SORBS2: variants seen among roughly 807,000 people sequenced by gnomAD.
SORBS2 encodes sorbin and SH3 domain containing 2.
SORBS2 carries 46 observed loss-of-function variants against 97.7 expected under a neutral mutation model. That is an observed-to-expected ratio of 0.47 (90% CI 0.37 to 0.60). The LOEUF is 0.60. Among genes scored for constraint, SORBS2 ranks in the 20% least tolerant of loss-of-function variants. The pLI is 0.00. For synonymous variants in SORBS2, 476 were observed against 473.4 expected (o/e 1.01, Z -0.07); for missense variants, 1,316 against 1,282.3 (o/e 1.03, Z -0.40).
At chr4:185,941,826 A>T (rs1001897001) in intron 1 of SORBS2, among the ~76,000 whole-genome samples, 1 of 152,198 alleles carries the variant, frequency 6.6e-6, no homozygotes, top group Non-Finnish European at 1.5e-5. Context: ...GAAAAGTAAG[A>T]CTTGGATGGC....
At chr4:185,919,151 C>T (rs79481787) in intron 1 of SORBS2, among the ~76,000 whole-genome samples, 8,239 of 152,154 alleles carry the variant, frequency 0.054, 350 homozygotes, top group East Asian at 0.14. Context: ...CTTTTATGAA[C>T]CAGCATAGTT....
chr4:185,669,377 A>T (rs768714312), intron 4 of SORBS2, among the ~76,000 whole-genome samples: 3 of 152,188 alleles, frequency 2.0e-5, no homozygotes, highest in Non-Finnish European at 2.9e-5. Context: ...ATTAAAGCTT[A>T]CTGTCTCTAA....
chr4:185,767,613 T>C (rs1039237), intron 2 of SORBS2, among the ~76,000 whole-genome samples: 11,971 of 151,542 alleles, frequency 0.079, 716 homozygotes, highest in East Asian at 0.22. Context: ...AAATTATAGG[T>C]GCAATTATTT....
chr4:185,862,105 T>A (rs1195733839), intron 1 of SORBS2, among the ~76,000 whole-genome samples: 1 of 152,148 alleles, frequency 6.6e-6, no homozygotes, highest in African/African-American at 2.4e-5. Flanking sequence ...AGAAACACTA[T>A]ACAAATTGAA....
chr4:185,594,958 A>T (rs1013285560), intron 12 of SORBS2, among the ~76,000 whole-genome samples: 1 of 152,176 alleles, frequency 6.6e-6, no homozygotes, highest in Non-Finnish European at 1.5e-5. Context: ...AGACTTTGGG[A>T]CCAGTTCTTA....
chr4:185,932,077 T>C (rs1008189235), intron 1 of SORBS2, among the ~76,000 whole-genome samples: 4 of 151,880 alleles, frequency 2.6e-5, no homozygotes, highest in Middle Eastern at 3.4e-3. Context: ...TATATATTTA[T>C]TTATATATGT....
intron 14 of SORBS2, among the ~76,000 whole-genome samples, chr4:185,588,897 G>A (rs1271085080): frequency 6.6e-6 from 1 of 152,106 alleles, no homozygotes; most frequent in Non-Finnish European, 1.5e-5. Flanking sequence ...TTACAGGCAT[G>A]AGCCACCGCA....
intron 1 of SORBS2, among the ~76,000 whole-genome samples, chr4:185,825,353 C>G (rs1258774260): frequency 6.6e-6 from 1 of 152,106 alleles, no homozygotes; most frequent in Non-Finnish European, 1.5e-5. Context: ...TATAGAAAAC[C>G]TGCCAAACAG....
intron 1 of SORBS2, among the ~76,000 whole-genome samples, chr4:185,851,875 G>T (rs985753563): frequency 2.0e-5 from 3 of 152,116 alleles, no homozygotes; most frequent in African/African-American, 4.8e-5. Context: ...CTTACAGACA[G>T]CCTATTGTGG....
chr4:185,805,028 T>A (rs895643959), intron 1 of SORBS2, among the ~76,000 whole-genome samples: 3 of 152,052 alleles, frequency 2.0e-5, no homozygotes, highest in African/African-American at 7.2e-5. Flanking sequence ...CAAAAGAAAA[T>A]TTTAACTCTT....
chr4:185,788,352 G>A (rs78840841), intron 1 of SORBS2, among the ~76,000 whole-genome samples: 13,040 of 152,172 alleles, frequency 0.086, 604 homozygotes, highest in South Asian at 0.14. Context: ...AAATTAATAG[G>A]CTATATCCTA....
intron 1 of SORBS2, among the ~76,000 whole-genome samples, chr4:185,817,337 T>C (rs7669135): frequency 0.25 from 38,099 of 152,020 alleles, 4,965 homozygotes; most frequent in Middle Eastern, 0.34. Context: ...AAACCTGCAG[T>C]GGGGAGAGAT....
At chr4:185,916,485 T>C (rs967719501) in intron 1 of SORBS2, among the ~76,000 whole-genome samples, 1 of 152,202 alleles carries the variant, frequency 6.6e-6, no homozygotes. Context: ...TTACTAATGA[T>C]TATCACAGAA....
intron 2 of SORBS2, among the ~76,000 whole-genome samples, chr4:185,766,984 T>C (rs972875428): frequency 1.3e-5 from 2 of 152,192 alleles, no homozygotes; most frequent in African/African-American, 4.8e-5. Flanking sequence ...TTTTAAACTG[T>C]GTCAATTTCC....
rs183253199 is a variant in SORBS2, at chr4:185,940,143, C to T, written c.-338+16053G>A. Among the ~76,000 whole-genome samples, 335 of 152,266 alleles carry T rather than the reference C, an allele frequency of 2.2e-3. 1 individual carries two copies. Among genetic ancestry groups the T allele is most frequent in the African/African-American group, 7.9e-3 (329 of 41,542 alleles). The stretch of plus-strand genomic sequence containing the variant: ...GAACTGGTCCATGGCCTTCCCACCT[C>T]ACCCTCCTCTCTCCTTTGGTGATCT... On this transcript the variant is annotated intron_variant, in intron 1 of 20. Coordinates refer to the SORBS2 transcript ENST00000284776.
At chr4:185,731,866 C>CTA (rs544211866) in intron 2 of SORBS2, among the ~76,000 whole-genome samples, 63 of 24,664 alleles carry the variant, frequency 2.6e-3, no homozygotes, top group South Asian at 5.4e-3. Flanking sequence ...CTCTCTCTCT[C>CTA]TATATATATA....
At position 185,649,206 on chromosome 4, in the gene SORBS2, T is replaced by C. The variant is rs117591133; in HGVS notation, c.281+261A>G. On this transcript the variant is annotated intron_variant, in intron 3 of 14. Coordinates refer to ENST00000418609, the Ensembl canonical transcript of SORBS2. Reference sequence around the variant, plus strand: ...ATTATTTCTATTTACTTGTCTCTTATATGTATGTATTGATCAAAAAGCAGA... The same window carrying C: ...ATTATTTCTATTTACTTGTCTCTTACATGTATGTATTGATCAAAAAGCAGA... 1.3e-3 allele frequency among the ~76,000 whole-genome samples: 195 copies of C among 152,342 alleles called. 4 individuals are homozygous for C. The East Asian group carries it at 0.033, about 26-fold the overall frequency.
At chr4:185,656,798 G>A in exon 1 of SORBS2, 2 of 1,407,838 alleles carry the variant, frequency 1.4e-6, no homozygotes, top group Non-Finnish European at 1.8e-6. Context: ...CTTTGGCAGA[G>A]TTTTAAAACT....
chr4:185,624,482 C>T (rs1285878954), exon 7 of SORBS2: 1 of 1,603,248 alleles, frequency 6.2e-7, no homozygotes, highest in South Asian at 1.1e-5. Flanking sequence ...ACATATTTTG[C>T]TATCATCCCC....
Sources: allele counts gnomAD v4.1 joint callset (sites outside exome capture counted in the v4.1 genomes callset), GRCh38; gene constraint gnomAD v4.1.1; transcripts MANE v1.5; gene names NCBI Gene and HGNC (gene_info 2026-07-23, HGNC 2026-07-21).